HELB: variants seen among roughly 807,000 people sequenced by gnomAD.
HELB encodes the protein DNA helicase B.
A neutral mutation model predicts 101.7 loss-of-function variants in HELB; 96 were observed. The ratio of observed to expected loss-of-function variants is 0.94; its 90% confidence interval spans 0.80 to 1.12. HELB has a LOEUF of 1.12. Ranked by LOEUF, HELB falls within the 50% of genes most tolerant of loss-of-function variation. The probability of loss-of-function intolerance (pLI) is 0.00; values close to 1 mark genes in which losing one functional copy is unlikely to be tolerated. For synonymous variants in HELB, 437 were observed against 459.7 expected, an observed-to-expected ratio of 0.95 and a Z score of 0.63; for missense variants, 1,210 against 1,291.9, an observed-to-expected ratio of 0.94 and a Z score of 0.97.
intron 3 of HELB, among the ~76,000 whole-genome samples, chr12:66,307,030 A>G (rs1342921380): frequency 1.3e-5 from 2 of 152,200 alleles, no homozygotes; most frequent in Non-Finnish European, 2.9e-5. Context: ...TGTTCTTATT[A>G]TTAGAGACTA....
chr12:66,321,926 CT>C (rs1173508276), intron 7 of HELB, 21 bp from the exon 8 acceptor site: 1 of 918,652 alleles, frequency 1.1e-6, no homozygotes, highest in Non-Finnish European at 1.7e-6. Flanking sequence ...GCTGTGTTAA[CT>C]TTTTTCTCTT....
downstream of HELB, chr12:66,338,300 A>T (rs961487557): frequency 2.0e-6 from 1 of 510,828 alleles, no homozygotes; most frequent in Non-Finnish European, 3.4e-6. Flanking sequence ...AGCACTGGAC[A>T]TAAGTGAAGA....
chr12:66,318,769 C>A lies in HELB; in HGVS notation c.2132C>A (p.Ser711Ter). The A allele has an allele frequency of 5.0e-6, 8 of 1,607,154 alleles. No individual in the cohort carries two copies. The highest frequency in any genetic ancestry group is 6.8e-6 in the Non-Finnish European group (8 of 1,177,792). The change falls in exon 7 of 13, where the codon TCA (serine) becomes TAA (stop). Residue 711 changes from serine (S) to a stop codon, truncating the protein, a stop_gained. Transcript: ENST00000247815. LOFTEE classifies it high-confidence loss of function. Reference sequence around the variant, plus strand: ...CCAGAAGAGGATGCCAGTTCTCAGTCATCTAAAACTAATCATCACTCTTGT... The same window carrying A: ...CCAGAAGAGGATGCCAGTTCTCAGTAATCTAAAACTAATCATCACTCTTGT... Reference protein sequence around the residue: ...RLPEEDASSQSSKTNHHSCLY... With the variant: ...RLPEEDASSQ
At chr12:66,326,303 C>T (rs1293945743) in intron 11 of HELB, among the ~76,000 whole-genome samples, 3 of 151,684 alleles carry the variant, frequency 2.0e-5, no homozygotes, top group Non-Finnish European at 2.9e-5. Flanking sequence ...AGTGCAGTGG[C>T]GCGATCTTGG....
In HELB at chr12:66,331,306, T is replaced by A. The variant is rs769897180; in HGVS notation, c.2823T>A (p.Phe941Leu). Residue 941 changes from phenylalanine to leucine, a missense_variant, in exon 12 of 13, where the codon TTT becomes TTA. Physicochemically the swap from Phe to Leu is conservative, Grantham distance 22. Coordinates refer to ENST00000247815, the MANE Select transcript of HELB (RefSeq NM_001370285.1). ...QLRNAIMKNS[F>L]PRKTRLKHFL... ...GGAATGCCATTATGAAAAACAGTTT[T>A]CCTAGAAAAACTCGTTTGAAACATT... The A allele has an allele frequency of 3.1e-6, 5 of 1,614,032 alleles. No homozygotes were observed. The highest frequency in any genetic ancestry group is 1.7e-5 in the Admixed American group (1 of 59,994).
chr12:66,318,628 T>C lies in HELB; in HGVS notation c.2001-10T>C. ...ATGTTCTTTGTGTGTGTGTGTTATC[T>C]TTATTCAAGAATCTCAAGACGCCAA... is the stretch of plus-strand genomic sequence containing the variant. On this transcript the variant is annotated splice_polypyrimidine_tract_variant and intron_variant, in intron 6 of 12. Coordinates refer to ENST00000247815, the MANE Select transcript of HELB (RefSeq NM_001370285.1). 6.3e-7 allele frequency: 1 copy of C among 1,594,224 alleles called. No homozygotes were observed. The highest frequency in any genetic ancestry group is 8.5e-7 in the Non-Finnish European group (1 of 1,175,014).
At chr12:66,316,708 A>G (rs2053609739) in intron 6 of HELB, among the ~76,000 whole-genome samples, 1 of 151,614 alleles carries the variant, frequency 6.6e-6, no homozygotes, top group Admixed American at 6.6e-5. Context: ...ACCTGGTGAA[A>G]CCCCATCTCT....
downstream of HELB, chr12:66,339,869 G>A (rs1228523666): frequency 6.6e-6 from 1 of 152,190 alleles, no homozygotes; most frequent in Admixed American, 6.5e-5. Flanking sequence ...CAGACATGTG[G>A]TTCTTTGTTC....
chr12:66,327,506 G>A (rs993506526), intron 11 of HELB, among the ~76,000 whole-genome samples: 1 of 152,022 alleles, frequency 6.6e-6, no homozygotes, highest in Non-Finnish European at 1.5e-5. Flanking sequence ...TAATAAGAAC[G>A]AATGAAGAGT....
At chr12:66,318,165 A>G (rs2053631299) in intron 6 of HELB, among the ~76,000 whole-genome samples, 2 of 152,216 alleles carry the variant, frequency 1.3e-5, no homozygotes, top group South Asian at 2.1e-4. Flanking sequence ...ATTAATTTAT[A>G]TAGAAAGGGG....
chr12:66,304,820 G>A lies in HELB; in HGVS notation c.277G>A (p.Val93Ile). ...TGCTTGGTGGAGAGTGAAGGTACAA[G>A]TAAAGCCTGTGGTGGGATCAAGGAG... is the stretch of plus-strand genomic sequence containing the variant. ...TGAWWRVKVQ[V>I]KPVVGSRSYQ... The change falls in exon 2 of 13, where the codon GTA (valine) becomes ATA (isoleucine). Residue 93 changes from valine (V) to isoleucine (I), a missense_variant. Around this residue, in one of 2 missense-constraint regions of HELB, gnomAD observed 470 missense variants for 563.1 expected, o/e 0.83. Transcript: ENST00000247815. 6.2e-7 allele frequency: 1 copy of A among 1,614,122 alleles called. No homozygotes were observed. Among genetic ancestry groups the A allele is most frequent in the Non-Finnish European group, 8.5e-7 (1 of 1,180,012 alleles).
intron 3 of HELB, among the ~76,000 whole-genome samples, chr12:66,308,790 A>G (rs2053507629): frequency 6.6e-6 from 1 of 152,058 alleles, no homozygotes; most frequent in Non-Finnish European, 1.5e-5. Flanking sequence ...GTCCCATTTA[A>G]CCTTAATTAC....
chr12:66,331,224 C>A lies in HELB; in HGVS notation c.2741C>A (p.Thr914Asn), dbSNP rs959398981. The A allele has an allele frequency of 4.3e-6, 7 of 1,614,012 alleles. No homozygotes were observed. The African/African-American group carries it at 9.3e-5, about 22-fold the overall frequency. ...AGRQHWQHVYTAVTRGRCRVY... is the reference protein window; with the variant it reads ...AGRQHWQHVYNAVTRGRCRVY... ...CGCCAGCACTGGCAGCATGTCTACACCGCCGTGACCAGGGGCCGCTGCCGA... is the reference window on the plus strand; with the variant it reads ...CGCCAGCACTGGCAGCATGTCTACAACGCCGTGACCAGGGGCCGCTGCCGA... The change falls in exon 12 of 13, where the codon ACC (threonine) becomes AAC (asparagine). Residue 914 changes from threonine to asparagine, a missense_variant. Thr to Asn is a moderately conservative substitution (Grantham distance 65). Transcript: ENST00000247815.
At chr12:66,327,562 T>C (rs1269123316) in intron 11 of HELB, among the ~76,000 whole-genome samples, 1 of 111,454 alleles carries the variant, frequency 9.0e-6, no homozygotes. Context: ...GTAGATATCT[T>C]TCTGGTTATT....
In HELB at chr12:66,307,641, T is replaced by TGG. The variant is rs201128325; in HGVS notation, c.777+1128_777+1129insGG. On this transcript the variant is annotated intron_variant, in intron 3 of 12. Transcript: ENST00000247815. ...CATCTTCCTGGTGAAGCACAGACCT[T>TGG]GCGTTTTTCTTTTGTGGTCAAGTGA... Among the ~76,000 whole-genome samples, 1,171 of 152,220 alleles carry TGG rather than the reference T, an allele frequency of 7.7e-3. 17 individuals are homozygous for TGG. Among genetic ancestry groups the TGG allele is most frequent in the African/African-American group, 0.027 (1,130 of 41,528 alleles).
chr12:66,332,175 C>G (rs1440175211), intron 12 of HELB, among the ~76,000 whole-genome samples: 1 of 152,172 alleles, frequency 6.6e-6, no homozygotes, highest in Non-Finnish European at 1.5e-5. Flanking sequence ...ATCTTACTCT[C>G]TTTTCCAATT....
In HELB at chr12:66,318,757, C is replaced by G. The variant is rs758082114; in HGVS notation, c.2120C>G (p.Ala707Gly). ...TTTGTCAGGCTCCCAGAAGAGGATG[C>G]CAGTTCTCAGTCATCTAAAACTAAT... ...FIFVRLPEED[A>G]SSQSSKTNHH... Residue 707 changes from alanine (A) to glycine (G), a missense_variant, in exon 7 of 13, where the codon GCC becomes GGC. Physicochemically the swap from Ala to Gly is moderately conservative, Grantham distance 60. This residue lies in a region of HELB where 740 missense variants were observed against 728.8 expected (regional missense o/e 1.02). Transcript: ENST00000247815. The G allele has an allele frequency of 2.5e-6, 4 of 1,609,578 alleles. No homozygotes were observed. Among genetic ancestry groups the G allele is most frequent in the Non-Finnish European group, 2.5e-6 (3 of 1,178,504 alleles).
chr12:66,302,867 A>G, intron 1 of HELB, 77 bp downstream of exon 1: 1 of 1,297,092 alleles, frequency 7.7e-7, no homozygotes, highest in South Asian at 1.4e-5. Flanking sequence ...TGCCCTGAGC[A>G]AGGCACCCAG....
chr12:66,332,287 G>T (rs2053819147), intron 12 of HELB, among the ~76,000 whole-genome samples: 1 of 152,112 alleles, frequency 6.6e-6, no homozygotes, highest in African/African-American at 2.4e-5. Context: ...TGGATGATTG[G>T]TGACCTGGCT....
Sources: gnomAD v4.1 joint callset for allele counts (sites outside exome capture counted in the v4.1 genomes callset) on GRCh38, gnomAD v4.1.1 for gene constraint, gnomAD v4.1.1 regional missense constraint, MANE v1.5 for transcripts, NCBI Gene and HGNC (gene_info 2026-07-23, HGNC 2026-07-21) for gene names.